GALNT17: variants seen among roughly 807,000 people sequenced by gnomAD.
GALNT17 encodes the protein UDP-GalNAc:polypeptide N-acetylgalactosaminyltransferase-like 3.
Under a neutral mutation model 63.7 loss-of-function variants are expected in GALNT17, and 29 were observed. The ratio of observed to expected loss-of-function variants is 0.46; its 90% CI spans 0.34 to 0.62. The LOEUF (loss-of-function observed/expected upper bound fraction) is 0.62. Ranked by LOEUF, GALNT17 falls within the 20% of genes least tolerant of loss-of-function variation. GALNT17 has a pLI of 0.01. For synonymous variants in GALNT17, 305 were observed against 318.3 expected, an observed-to-expected ratio of 0.96 and a Z score of 0.45; for missense variants, 603 against 799.6, an observed-to-expected ratio of 0.75 and a Z score of 2.97.
rs1333617758 is a variant in GALNT17, at chr7:71,415,902, C to T, written c.603C>T (p.Val201=). Residue 201 remains valine (V), a synonymous_variant, in exon 4 of 11, where the codon GTC becomes GTT. Coordinates refer to ENST00000333538, the MANE Select transcript of GALNT17 (RefSeq NM_022479.3). The part of the protein sequence containing the change: ...DDNSDEEELK[V]PLEEYVHKRY... ...TGTCATTTGCAGAGGAGCTGAAGGT[C>T]CCCCTAGAGGAGTATGTCCACAAAC... is the stretch of plus-strand genomic sequence containing the variant. 2 of 1,584,616 alleles carry T rather than the reference C, an allele frequency of 1.3e-6. No individual in the cohort carries two copies. Among genetic ancestry groups the T allele is most frequent in the African/African-American group, 1.4e-5 (1 of 73,888 alleles).
At chr7:71,159,412 G>A (rs1788298834) in intron 1 of GALNT17, among the ~76,000 whole-genome samples, 1 of 151,240 alleles carries the variant, frequency 6.6e-6, no homozygotes, top group African/African-American at 2.5e-5. Flanking sequence ...CCCAAATCTT[G>A]CCCACATCTG....
intron 5 of GALNT17, among the ~76,000 whole-genome samples, chr7:71,529,905 G>A (rs1410989031): frequency 2.0e-5 from 3 of 152,108 alleles, no homozygotes; most frequent in Admixed American, 6.6e-5. Flanking sequence ...TGACTCCTGG[G>A]CTTTTCTAGG....
chr7:71,240,571 T>A (rs1003093689), intron 1 of GALNT17, among the ~76,000 whole-genome samples: 1 of 152,236 alleles, frequency 6.6e-6, no homozygotes, highest in Non-Finnish European at 1.5e-5. Context: ...GATAATGGCC[T>A]CCAGCTGCAT....
intron 3 of GALNT17, among the ~76,000 whole-genome samples, chr7:71,390,293 G>A (rs1240970273): frequency 6.6e-6 from 1 of 152,118 alleles, no homozygotes; most frequent in Admixed American, 6.5e-5. Context: ...ACAGGAATGA[G>A]CCTCTCCTAT....
chr7:71,256,311 C>T (rs1790289023), intron 1 of GALNT17, among the ~76,000 whole-genome samples: 1 of 152,204 alleles, frequency 6.6e-6, no homozygotes, highest in Admixed American at 6.5e-5. Context: ...GTGGCTCACA[C>T]CTGTCATCCC....
At chr7:71,252,666 A>G (rs1232308348) in intron 1 of GALNT17, among the ~76,000 whole-genome samples, 1 of 152,162 alleles carries the variant, frequency 6.6e-6, no homozygotes, top group Admixed American at 6.5e-5. Flanking sequence ...CCCATTAGAG[A>G]GTGTTAGATC....
intron 6 of GALNT17, among the ~76,000 whole-genome samples, chr7:71,588,587 C>G (rs1399938156): frequency 1.3e-5 from 2 of 152,128 alleles, no homozygotes; most frequent in African/African-American, 4.8e-5. Flanking sequence ...TTTTAGCATT[C>G]TTTAGGTATT....
intron 1 of GALNT17, among the ~76,000 whole-genome samples, chr7:71,209,266 G>A (rs1359291996): frequency 6.6e-6 from 1 of 152,204 alleles, no homozygotes; most frequent in African/African-American, 2.4e-5. Flanking sequence ...CGGTTTAGCA[G>A]TCTCTTCCTC....
At chr7:71,316,973 G>A (rs957178802) in intron 1 of GALNT17, among the ~76,000 whole-genome samples, 3 of 152,130 alleles carry the variant, frequency 2.0e-5, no homozygotes, top group African/African-American at 7.2e-5. Context: ...TTCAGAGGTG[G>A]AGGATAACTG....
chr7:71,356,850 T>C (rs2116210091), intron 2 of GALNT17, among the ~76,000 whole-genome samples: 1 of 152,246 alleles, frequency 6.6e-6, no homozygotes. Flanking sequence ...GGCACCATCT[T>C]GAGTCACTGC....
chr7:71,603,060 G>A (rs1031035513), intron 6 of GALNT17, among the ~76,000 whole-genome samples: 1 of 152,092 alleles, frequency 6.6e-6, no homozygotes, highest in South Asian at 2.1e-4. Context: ...GCATACACTG[G>A]ATACTATGCT....
At chr7:71,286,017 C>G (rs1328489785) in intron 1 of GALNT17, among the ~76,000 whole-genome samples, 1 of 152,216 alleles carries the variant, frequency 6.6e-6, no homozygotes. Flanking sequence ...CTAAATTCCG[C>G]AAAGCCAAAT....
At chr7:71,468,621 T>C (rs1420985319) in intron 5 of GALNT17, among the ~76,000 whole-genome samples, 2 of 151,896 alleles carry the variant, frequency 1.3e-5, no homozygotes, top group Non-Finnish European at 2.9e-5. Context: ...TTCACCATGT[T>C]AGCCAGGATG....
intron 7 of GALNT17, 43 bp downstream of exon 7, chr7:71,665,639 C>A: frequency 1.9e-6 from 3 of 1,566,734 alleles, no homozygotes; most frequent in Non-Finnish European, 2.6e-6. Flanking sequence ...GTACAGTGAT[C>A]CTTACTGTTT....
chr7:71,152,199 A>C lies in GALNT17; in HGVS notation c.238+19159A>C, dbSNP rs557197951. Among the ~76,000 whole-genome samples the C allele has an allele frequency of 9.8e-5, 15 of 152,320 alleles. No individual in the cohort carries two copies. In the South Asian group the frequency reaches 2.9e-3, roughly 29 times the overall value. ...CTAATAAAATACACAAATCTCACGA[A>C]ATATCTTTTCAAGAGCTTTTTCTTT... On this transcript the variant is annotated intron_variant, in intron 1 of 10. Transcript: ENST00000333538.
chr7:71,576,805 T>C (rs1038161980), intron 6 of GALNT17, among the ~76,000 whole-genome samples: 1 of 152,164 alleles, frequency 6.6e-6, no homozygotes, highest in African/African-American at 2.4e-5. Context: ...TGACCTCAAG[T>C]GATCTGCCCG....
At chr7:71,227,080 G>A (rs1219272309) in intron 1 of GALNT17, among the ~76,000 whole-genome samples, 2 of 139,930 alleles carry the variant, frequency 1.4e-5, no homozygotes, top group Admixed American at 8.0e-5. Context: ...GCTCACTCCT[G>A]TAATCCCAGC....
intron 5 of GALNT17, among the ~76,000 whole-genome samples, chr7:71,484,040 C>T (rs545209041): frequency 1.3e-5 from 2 of 152,092 alleles, no homozygotes; most frequent in Non-Finnish European, 2.9e-5. Context: ...CCTATGATAA[C>T]AATGTATTTT....
chr7:71,375,231 G>T (rs1051562930), intron 2 of GALNT17, among the ~76,000 whole-genome samples: 1 of 152,196 alleles, frequency 6.6e-6, no homozygotes, highest in Admixed American at 6.5e-5. Context: ...GTGTTTCAGG[G>T]TCAATGTCAG....
Sources: gnomAD v4.1 joint callset for allele counts (sites outside exome capture counted in the v4.1 genomes callset) on GRCh38, gnomAD v4.1.1 for gene constraint, MANE v1.5 for transcripts, NCBI Gene and HGNC (gene_info 2026-07-23, HGNC 2026-07-21) for gene names.